ITGBL1: variants seen among roughly 807,000 people sequenced by gnomAD.
ITGBL1 encodes the protein integrin beta-like protein 1.
In ITGBL1, 51 loss-of-function variants were observed where a neutral mutation model predicts 68.5. That is an observed-to-expected ratio of 0.74 (90% CI 0.59 to 0.94). The LOEUF is 0.94. Ranked by LOEUF, ITGBL1 falls within the 40% of genes least tolerant of loss-of-function variation. The probability of loss-of-function intolerance (pLI) is 0.00; values close to 1 mark genes in which losing one functional copy is unlikely to be tolerated. For synonymous variants in ITGBL1, 209 were observed against 227.3 expected, an observed-to-expected ratio of 0.92 and a Z score of 0.72; for missense variants, 649 against 647.4, an observed-to-expected ratio of 1.00 and a Z score of -0.03.
chr13:101,638,313 A>G lies in ITGBL1; in HGVS notation c.1015+40014A>G, dbSNP rs1168619499. ...GTTGCTGGTGCCCATAAGGGACAGC[A>G]CTTGAAGGTCAAAGGAAAGAGCATA... On this transcript the variant is annotated intron_variant, in intron 7 of 10. Transcript: ENST00000376180. 2.0e-5 allele frequency among the ~76,000 whole-genome samples: 3 copies of G among 152,140 alleles called. No individual in the cohort carries two copies. The South Asian group carries it at 6.2e-4, about 31-fold the overall frequency.
At chr13:101,470,613 A>G (rs1200523761) in intron 2 of ITGBL1, among the ~76,000 whole-genome samples, 2 of 152,168 alleles carry the variant, frequency 1.3e-5, no homozygotes, top group African/African-American at 2.4e-5. Context: ...TGCCCTTTAT[A>G]TGAAAGTCAA....
intron 2 of ITGBL1, among the ~76,000 whole-genome samples, chr13:101,472,703 A>G (rs1484942607): frequency 6.6e-6 from 1 of 152,168 alleles, no homozygotes; most frequent in African/African-American, 2.4e-5. Flanking sequence ...CCATTAACTT[A>G]ATGCAGAGGG....
At chr13:101,575,599 A>G (rs1030915376) in intron 4 of ITGBL1, 53 bp downstream of exon 4, 11 of 1,557,542 alleles carry the variant, frequency 7.1e-6, no homozygotes, top group Middle Eastern at 1.7e-4. Flanking sequence ...TTTTTCACCT[A>G]TTTCATTGTT....
At chr13:101,667,780 A>G (rs886869630) in intron 7 of ITGBL1, among the ~76,000 whole-genome samples, 1 of 152,078 alleles carries the variant, frequency 6.6e-6, no homozygotes, top group Admixed American at 6.6e-5. Context: ...ACACATATGC[A>G]TGTGTTATGT....
intron 7 of ITGBL1, among the ~76,000 whole-genome samples, chr13:101,626,328 C>T (rs2031778369): frequency 6.6e-6 from 1 of 152,146 alleles, no homozygotes; most frequent in South Asian, 2.1e-4. Flanking sequence ...GAAAATTACA[C>T]TACAATTTAA....
At chr13:101,550,746 GA>G (rs373787116) in intron 2 of ITGBL1, among the ~76,000 whole-genome samples, 1 of 152,270 alleles carries the variant, frequency 6.6e-6, no homozygotes, top group African/African-American at 2.4e-5. Context: ...TGTGCTTGTG[GA>G]AGATTAAACT....
intron 7 of ITGBL1, among the ~76,000 whole-genome samples, chr13:101,608,819 A>T (rs887104233): frequency 2.6e-5 from 4 of 152,076 alleles, no homozygotes; most frequent in African/African-American, 9.7e-5. Context: ...ACTATAGCCA[A>T]AGATGATAAA....
At chr13:101,584,865 T>A (rs1349056694) in intron 6 of ITGBL1, among the ~76,000 whole-genome samples, 2 of 151,660 alleles carry the variant, frequency 1.3e-5, no homozygotes, top group Non-Finnish European at 2.9e-5. Context: ...ACAGTGGTGG[T>A]GATGTAGGGC....
chr13:101,718,626 A>T (rs2034811142), downstream of ITGBL1: 1 of 152,050 alleles, frequency 6.6e-6, no homozygotes, highest in South Asian at 2.1e-4. Context: ...TAAAGTGCTA[A>T]GTCATAAGAG....
At chr13:101,476,579 G>C (rs905960691) in intron 2 of ITGBL1, among the ~76,000 whole-genome samples, 1 of 151,822 alleles carries the variant, frequency 6.6e-6, no homozygotes, top group African/African-American at 2.4e-5. Flanking sequence ...AAACAAATGA[G>C]ACCCAATGAA....
chr13:101,698,823 C>A (rs759453798), intron 8 of ITGBL1, among the ~76,000 whole-genome samples: 1 of 152,084 alleles, frequency 6.6e-6, no homozygotes, highest in African/African-American at 2.4e-5. Flanking sequence ...CAGAGACTTC[C>A]CTCCTGTGTG....
chr13:101,622,680 A>G (rs542518359), intron 7 of ITGBL1, among the ~76,000 whole-genome samples: 1 of 152,340 alleles, frequency 6.6e-6, no homozygotes, highest in East Asian at 1.9e-4. Context: ...ATGAGCGCAC[A>G]GATGGATCCA....
chr13:101,645,334 A>T (rs145511000), intron 7 of ITGBL1, among the ~76,000 whole-genome samples: 47 of 152,302 alleles, frequency 3.1e-4, no homozygotes, highest in African/African-American at 1.1e-3. Context: ...AAAGAACTTG[A>T]CACCTTTAAA....
intron 7 of ITGBL1, among the ~76,000 whole-genome samples, chr13:101,600,899 CT>C (rs1338807005): frequency 6.6e-6 from 1 of 152,016 alleles, no homozygotes; most frequent in Non-Finnish European, 1.5e-5. Flanking sequence ...CTAAAATTCT[CT>C]TTTTTTGTTG....
intron 6 of ITGBL1, among the ~76,000 whole-genome samples, chr13:101,596,185 A>G (rs6491636): frequency 0.16 from 23,934 of 152,046 alleles, 2,265 homozygotes; most frequent in African/African-American, 0.26. Flanking sequence ...TAAGCCAGAC[A>G]TAGACAAAAA....
intron 7 of ITGBL1, among the ~76,000 whole-genome samples, chr13:101,601,992 A>G (rs2030413266): frequency 6.6e-6 from 1 of 152,076 alleles, no homozygotes; most frequent in African/African-American, 2.4e-5. Context: ...GAATGAAAGT[A>G]CATGGAGAAA....
At chr13:101,715,482 G>C in intron 10 of ITGBL1, 81 bp from the exon 11 acceptor site, 1 of 927,676 alleles carries the variant, frequency 1.1e-6, no homozygotes, top group Non-Finnish European at 1.8e-6. Flanking sequence ...TTTCATTGTG[G>C]ACACTTGTGA....
intron 7 of ITGBL1, 150 bp from the exon 8 acceptor site, chr13:101,692,435 A>T: frequency 1.7e-6 from 1 of 586,380 alleles, no homozygotes; most frequent in Non-Finnish European, 3.1e-6. Context: ...TACCTTAGGG[A>T]GGTTGGAAAT....
At chr13:101,458,308 G>A (rs147343011) in intron 2 of ITGBL1, among the ~76,000 whole-genome samples, 1 of 152,324 alleles carries the variant, frequency 6.6e-6, no homozygotes, top group East Asian at 1.9e-4. Flanking sequence ...CCAAAAAGTG[G>A]ACTGTTGGAA....
Sources: allele counts gnomAD v4.1 joint callset (sites outside exome capture counted in the v4.1 genomes callset), GRCh38; gene constraint gnomAD v4.1.1; transcripts MANE v1.5; gene names NCBI Gene and HGNC (gene_info 2026-07-23, HGNC 2026-07-21).